PTPRD: variants seen among roughly 807,000 people sequenced by gnomAD.
PTPRD encodes the protein receptor-type tyrosine-protein phosphatase delta.
PTPRD carries 34 observed loss-of-function variants against 214.5 expected under a neutral mutation model. That is an observed-to-expected ratio of 0.16 (90% CI 0.12 to 0.21). PTPRD has a LOEUF of 0.21. PTPRD is among the 10% of genes least tolerant of loss of function. The pLI, the probability that PTPRD is intolerant of heterozygous loss-of-function variation, is 1.00. For synonymous variants in PTPRD, 1,128 were observed against 845.7 expected, an observed-to-expected ratio of 1.33 and a Z score of -5.79; for missense variants, 2,545 against 2,398.7, an observed-to-expected ratio of 1.06 and a Z score of -1.27.
intron 4 of PTPRD, among the ~76,000 whole-genome samples, chr9:10,017,180 C>A (rs564096284): frequency 6.6e-6 from 1 of 152,056 alleles, no homozygotes; most frequent in Non-Finnish European, 1.5e-5. Context: ...TGGTGGACAT[C>A]GAATATTAAT....
At chr9:9,928,348 T>C (rs2085088531) in intron 5 of PTPRD, among the ~76,000 whole-genome samples, 1 of 152,178 alleles carries the variant, frequency 6.6e-6, no homozygotes, top group Admixed American at 6.5e-5. Flanking sequence ...AGATGCTTTA[T>C]GTTGCCAAGC....
intron 8 of PTPRD, among the ~76,000 whole-genome samples, chr9:9,464,216 T>C (rs1171536502): frequency 5.9e-5 from 9 of 152,152 alleles, no homozygotes; most frequent in Non-Finnish European, 8.8e-5. Context: ...AACTCTGGCA[T>C]TTTGGTAACA....
intron 7 of PTPRD, among the ~76,000 whole-genome samples, chr9:9,706,386 C>G (rs1233299997): frequency 2.0e-5 from 3 of 151,792 alleles, no homozygotes; most frequent in Non-Finnish European, 4.4e-5. Flanking sequence ...AATAAGAGTA[C>G]TATTGTACTA....
At chr9:8,494,190 G>A (rs972118779) in intron 26 of PTPRD, among the ~76,000 whole-genome samples, 3 of 151,424 alleles carry the variant, frequency 2.0e-5, no homozygotes, top group Non-Finnish European at 4.4e-5. Context: ...AATACAGTAG[G>A]TTTTTTTTTA....
intron 43 of PTPRD, among the ~76,000 whole-genome samples, chr9:8,332,392 GACT>G (rs1260938339): frequency 5.3e-5 from 8 of 152,270 alleles, no homozygotes; most frequent in African/African-American, 1.9e-4. Flanking sequence ...TGAACCATAT[GACT>G]GTGCTGTTAA....
At chr9:8,549,384 A>C (rs1378839687) in intron 14 of PTPRD, among the ~76,000 whole-genome samples, 1 of 152,162 alleles carries the variant, frequency 6.6e-6, no homozygotes, top group Non-Finnish European at 1.5e-5. Context: ...AGAAAGGTCA[A>C]GATTTGTGTT....
chr9:10,267,191 A>C (rs76604468), intron 3 of PTPRD, among the ~76,000 whole-genome samples: 1 of 95,878 alleles, frequency 1.0e-5, no homozygotes, highest in Non-Finnish European at 2.3e-5. Flanking sequence ...ACTCCGTCTC[A>C]AAAAAAAAAA....
chr9:9,518,107 C>A (rs2096880202), intron 8 of PTPRD, among the ~76,000 whole-genome samples: 1 of 151,996 alleles, frequency 6.6e-6, no homozygotes, highest in Non-Finnish European at 1.5e-5. Context: ...TGACTCTGCT[C>A]ATAAAATGTT....
At chr9:10,561,758 T>C (rs2064028726) in intron 2 of PTPRD, among the ~76,000 whole-genome samples, 3 of 152,136 alleles carry the variant, frequency 2.0e-5, no homozygotes, top group Non-Finnish European at 4.4e-5. Context: ...TTTCCTTCTC[T>C]GTAAAATGAA....
At chr9:8,535,199 T>G (rs966517743) in intron 14 of PTPRD, among the ~76,000 whole-genome samples, 1 of 151,934 alleles carries the variant, frequency 6.6e-6, no homozygotes, top group African/African-American at 2.4e-5. Context: ...ACTTGCTTTA[T>G]TCCAAGCTCC....
intron 9 of PTPRD, among the ~76,000 whole-genome samples, chr9:9,266,011 C>G (rs1003289341): frequency 1.3e-5 from 2 of 151,222 alleles, no homozygotes; most frequent in Non-Finnish European, 3.0e-5. Flanking sequence ...TAAGGACATA[C>G]ATAAGGTGAA....
At chr9:9,641,710 A>G (rs932182495) in intron 7 of PTPRD, among the ~76,000 whole-genome samples, 1 of 152,206 alleles carries the variant, frequency 6.6e-6, no homozygotes, top group Non-Finnish European at 1.5e-5. Flanking sequence ...AACAGGATCC[A>G]TTTAGGATTA....
intron 44 of PTPRD, among the ~76,000 whole-genome samples, chr9:8,322,284 A>C (rs2130911054): frequency 6.6e-6 from 1 of 152,246 alleles, no homozygotes; most frequent in East Asian, 1.9e-4. Context: ...ACTTTAAATC[A>C]CAAACTAGAA....
chr9:10,135,965 A>T (rs2154262492), intron 3 of PTPRD, among the ~76,000 whole-genome samples: 1 of 151,702 alleles, frequency 6.6e-6, no homozygotes, highest in Non-Finnish European at 1.5e-5. Context: ...AATAAGGCCC[A>T]ACCAGCTATT....
chr9:9,537,861 A>G (rs2076828584), intron 8 of PTPRD, among the ~76,000 whole-genome samples: 1 of 151,926 alleles, frequency 6.6e-6, no homozygotes, highest in African/African-American at 2.4e-5. Context: ...ATTCATTTAC[A>G]TTTTAATGAG....
chr9:9,298,392 T>C (rs1953946070), intron 9 of PTPRD, among the ~76,000 whole-genome samples: 1 of 151,748 alleles, frequency 6.6e-6, no homozygotes, highest in Non-Finnish European at 1.5e-5. Flanking sequence ...CATAACCTTT[T>C]CTTTTTAAAC....
At chr9:8,765,690 T>C (rs1456848131) in intron 11 of PTPRD, among the ~76,000 whole-genome samples, 2 of 152,186 alleles carry the variant, frequency 1.3e-5, no homozygotes, top group African/African-American at 4.8e-5. Context: ...AGCTGTGAGA[T>C]AATAAATGCT....
rs775477613 is a variant in PTPRD, at chr9:8,624,212, CA to C, written c.352+9104del. ...AACGTAACAATAAGCACAAATGTAACAGGGGGAAAAAAAGGAACTAAAATTC... is the reference window on the plus strand; with the variant it reads ...AACGTAACAATAAGCACAAATGTAACGGGGGAAAAAAAGGAACTAAAATTC... On this transcript the variant is annotated intron_variant, in intron 14 of 45. Transcript: ENST00000381196. Among the ~76,000 whole-genome samples, 81 of 151,772 alleles carry C rather than the reference CA, an allele frequency of 5.3e-4. No homozygotes were observed. The Middle Eastern group carries it at 0.01, about 19-fold the overall frequency.
chr9:9,920,419 C>G (rs1602176151), intron 5 of PTPRD, among the ~76,000 whole-genome samples: 1 of 152,094 alleles, frequency 6.6e-6, no homozygotes, highest in South Asian at 2.1e-4. Flanking sequence ...CTATTTCTCA[C>G]TGATGTTGAA....
Sources: gnomAD v4.1 joint callset for allele counts (sites outside exome capture counted in the v4.1 genomes callset) on GRCh38, gnomAD v4.1.1 for gene constraint, MANE v1.5 for transcripts, NCBI Gene and HGNC (gene_info 2026-07-23, HGNC 2026-07-21) for gene names.